The following FCHSD2 variants were observed in gnomAD, a reference collection of about 807,000 sequenced individuals.
The protein encoded by FCHSD2 is FCH and double SH3 domains 2, also known as F-BAR and double SH3 domains protein 2.
FCHSD2 carries 38 observed loss-of-function variants against 108.1 expected under a neutral mutation model. The ratio of observed to expected loss-of-function variants is 0.35; its 90% CI spans 0.27 to 0.46. FCHSD2 has a LOEUF of 0.46. Ranked by LOEUF, FCHSD2 falls within the 20% of genes least tolerant of loss-of-function variation. The pLI is 1.00. For synonymous variants in FCHSD2, 279 were observed against 314.7 expected (o/e 0.89, Z 1.20); for missense variants, 751 against 897.8 (o/e 0.84, Z 2.09).
At chr11:72,996,241 G>A (rs1015082391) in intron 5 of FCHSD2, among the ~76,000 whole-genome samples, 1 of 152,146 alleles carries the variant, frequency 6.6e-6, no homozygotes, top group Non-Finnish European at 1.5e-5. Context: ...TACTACCTAA[G>A]TCTCTTTAAC....
At chr11:72,919,695 C>A (rs1004803374) in intron 9 of FCHSD2, among the ~76,000 whole-genome samples, 2 of 152,052 alleles carry the variant, frequency 1.3e-5, no homozygotes, top group Admixed American at 1.3e-4. Flanking sequence ...GGTAGTGTCT[C>A]CAGTCCAACT....
At chr11:73,077,944 T>C (rs561489019) in intron 3 of FCHSD2, among the ~76,000 whole-genome samples, 162 of 152,296 alleles carry the variant, frequency 1.1e-3, no homozygotes, top group Non-Finnish European at 1.5e-3. Context: ...GTATAGTAGA[T>C]TCCTTGAGTA....
intron 5 of FCHSD2, among the ~76,000 whole-genome samples, chr11:72,998,782 C>A (rs1857567588): frequency 6.6e-6 from 1 of 152,164 alleles, no homozygotes; most frequent in Admixed American, 6.5e-5. Flanking sequence ...TTAATTACCT[C>A]ACACCTGTTA....
chr11:72,998,056 A>T (rs532215122), intron 5 of FCHSD2, among the ~76,000 whole-genome samples: 4 of 152,332 alleles, frequency 2.6e-5, no homozygotes, highest in African/African-American at 9.6e-5. Flanking sequence ...AACTTGTTAA[A>T]TATTCAGATT....
At chr11:73,002,489 C>T (rs1018347990) in intron 4 of FCHSD2, among the ~76,000 whole-genome samples, 1 of 152,176 alleles carries the variant, frequency 6.6e-6, no homozygotes, top group African/African-American at 2.4e-5. Context: ...CAGGCTCTCC[C>T]TCCTAAGCAG....
intron 5 of FCHSD2, among the ~76,000 whole-genome samples, chr11:72,992,452 C>T (rs1351750800): frequency 6.6e-6 from 1 of 152,162 alleles, no homozygotes; most frequent in African/African-American, 2.4e-5. Flanking sequence ...ATTGCCAAGT[C>T]AATCCTAAGC....
intron 8 of FCHSD2, among the ~76,000 whole-genome samples, chr11:72,959,220 CTT>C (rs11408216): frequency 8.9e-5 from 5 of 56,292 alleles, no homozygotes; most frequent in South Asian, 9.2e-4. Flanking sequence ...ATCCAGCAGT[CTT>C]TTTTTTTTTT....
In FCHSD2 at chr11:73,068,045, T is replaced by C. The variant is rs373005159; in HGVS notation, c.165+15650A>G. On this transcript the variant is annotated intron_variant, in intron 3 of 19. Coordinates refer to ENST00000409418, the MANE Select transcript of FCHSD2 (RefSeq NM_014824.3). ...CCCCTTATAAAACCATCAGATCTCGTGAGACTTATTCACTACCACGAGAAC... is the reference window on the plus strand; with the variant it reads ...CCCCTTATAAAACCATCAGATCTCGCGAGACTTATTCACTACCACGAGAAC... Among the ~76,000 whole-genome samples, 12 of 151,958 alleles carry C rather than the reference T, an allele frequency of 7.9e-5. No individual in the cohort carries two copies. In the East Asian group the frequency reaches 1.2e-3, roughly 15 times the overall value.
rs775737486 is a variant in FCHSD2, at chr11:72,889,809, G to A, written c.1041+20C>T. 1 of 1,396,216 alleles carries A rather than the reference G, an allele frequency of 7.2e-7. No homozygotes were observed. The highest frequency in any genetic ancestry group is 1.7e-5 in the Admixed American group (1 of 58,962). 86.5% of individuals were successfully genotyped at this position (1,396,216 alleles called of 1,614,324 possible). A position where few individuals can be genotyped will look rare whatever the true frequency, so the allele number is the denominator to read the frequency against. ...ATTTGGCTTAAGGTGAATGTAACTA[G>A]GACTTTCTCTTACACTTACCCGTTG... On this transcript the variant is annotated intron_variant, in intron 11 of 19. Coordinates refer to ENST00000409418, the MANE Select transcript of FCHSD2 (RefSeq NM_014824.3).
chr11:72,951,384 A>G (rs1856616818), intron 8 of FCHSD2, among the ~76,000 whole-genome samples: 1 of 152,234 alleles, frequency 6.6e-6, no homozygotes, highest in Non-Finnish European at 1.5e-5. Context: ...CATCTGGCAT[A>G]TGATAACACA....
At chr11:73,079,060 A>G (rs1223674381) in intron 3 of FCHSD2, among the ~76,000 whole-genome samples, 1 of 152,126 alleles carries the variant, frequency 6.6e-6, no homozygotes, top group Non-Finnish European at 1.5e-5. Context: ...AATAGTTTAC[A>G]TGAGTGTGTT....
chr11:72,883,076 T>C (rs1237248128), intron 12 of FCHSD2, among the ~76,000 whole-genome samples: 3 of 152,086 alleles, frequency 2.0e-5, no homozygotes, highest in Non-Finnish European at 4.4e-5. Flanking sequence ...TAAAATATGA[T>C]GGTGGAACAA....
chr11:73,124,698 G>A (rs1242319915), intron 2 of FCHSD2, among the ~76,000 whole-genome samples: 1 of 151,966 alleles, frequency 6.6e-6, no homozygotes, highest in Non-Finnish European at 1.5e-5. Flanking sequence ...GGAGGTTGCA[G>A]TGAGCTGAGA....
At chr11:72,921,730 T>C in intron 9 of FCHSD2, 98 bp downstream of exon 9, 1 of 952,364 alleles carries the variant, frequency 1.1e-6, no homozygotes. Flanking sequence ...CGTTAATGCA[T>C]TCTTCTAATA....
intron 3 of FCHSD2, among the ~76,000 whole-genome samples, chr11:73,040,584 G>A (rs1858611001): frequency 6.6e-6 from 1 of 152,008 alleles, no homozygotes. Flanking sequence ...ACAAACTTTC[G>A]GTTTTACAAT....
chr11:73,012,840 C>T (rs185540483), intron 4 of FCHSD2, among the ~76,000 whole-genome samples: 2 of 152,114 alleles, frequency 1.3e-5, no homozygotes, highest in African/African-American at 4.8e-5. Context: ...ATTTGACAAA[C>T]ACAAAAAACA....
chr11:73,098,103 T>C (rs971028881), intron 2 of FCHSD2, among the ~76,000 whole-genome samples: 15 of 152,212 alleles, frequency 9.9e-5, no homozygotes, highest in African/African-American at 3.6e-4. Flanking sequence ...ATTTTTCCTT[T>C]TGGGTTTAGC....
At chr11:73,108,009 T>C (rs1565093953) in intron 2 of FCHSD2, among the ~76,000 whole-genome samples, 1 of 152,226 alleles carries the variant, frequency 6.6e-6, no homozygotes, top group African/African-American at 2.4e-5. Context: ...TCCATAGTTG[T>C]TGTACTAATT....
chr11:73,131,840 TAA>T (rs1861011378), intron 2 of FCHSD2, among the ~76,000 whole-genome samples: 1 of 152,258 alleles, frequency 6.6e-6, no homozygotes, highest in Non-Finnish European at 1.5e-5. Flanking sequence ...TTATACTTAT[TAA>T]AAGAGTTCTT....
Sources: allele counts gnomAD v4.1 joint callset (sites outside exome capture counted in the v4.1 genomes callset), GRCh38; gene constraint gnomAD v4.1.1; transcripts MANE v1.5; gene names NCBI Gene and HGNC (gene_info 2026-07-23, HGNC 2026-07-21).